The following DMD variants were observed in gnomAD, a reference collection of about 807,000 sequenced individuals.
DMD encodes the protein dystrophin.
DMD carries 63 observed loss-of-function variants against 330.1 expected under a neutral mutation model. The ratio of observed to expected loss-of-function variants is 0.19; its 90% CI spans 0.16 to 0.24. The LOEUF is 0.24. Among genes scored for constraint, DMD ranks in the 10% least tolerant of loss-of-function variants. The probability of loss-of-function intolerance (pLI) is 1.00; values close to 1 mark genes in which losing one functional copy is unlikely to be tolerated. For missense variants in DMD, 3,344 were observed against 2,684.1 expected, an observed-to-expected ratio of 1.25 and a Z score of -5.43; for synonymous variants, 1,223 against 959.8, an observed-to-expected ratio of 1.27 and a Z score of -5.07.
At chrX:31,395,405 C>T in intron 60 of DMD, among the ~76,000 whole-genome samples, 1 of 111,870 alleles carries the variant, frequency 8.9e-6, no homozygotes, top group Non-Finnish European at 1.9e-5. Context: ...CTTTGTTTTC[C>T]CTGACTTGAA....
intron 7 of DMD, among the ~76,000 whole-genome samples, chrX:32,797,376 A>G (rs1471044606): frequency 8.9e-6 from 1 of 112,703 alleles, no homozygotes; most frequent in Admixed American, 9.4e-5. Flanking sequence ...AGCAAAATAT[A>G]CATTACATTC....
At chrX:32,356,839 G>T (rs985274225) in intron 37 of DMD, among the ~76,000 whole-genome samples, 2 of 111,572 alleles carry the variant, frequency 1.8e-5, no homozygotes, top group African/African-American at 3.3e-5. Context: ...TTGCAGCTAA[G>T]TATTACAACA....
chrX:32,975,892 TC>T (rs2092536104), intron 2 of DMD, among the ~76,000 whole-genome samples: 1 of 111,518 alleles, frequency 9.0e-6, no homozygotes, highest in African/African-American at 3.3e-5. Context: ...AAAGTTAAAA[TC>T]CTCTGGTTCT....
At chrX:32,511,733 T>C (rs1211735596) in intron 18 of DMD, among the ~76,000 whole-genome samples, 2 of 110,432 alleles carry the variant, frequency 1.8e-5, no homozygotes, top group Admixed American at 1.9e-4. Context: ...TATGTGTGTT[T>C]TTCTATAGAG....
At chrX:32,823,088 A>T (rs1219997347) in intron 5 of DMD, among the ~76,000 whole-genome samples, 1 of 111,813 alleles carries the variant, frequency 8.9e-6, no homozygotes, top group Non-Finnish European at 1.9e-5. Flanking sequence ...AATTTTGAAA[A>T]ATATTCCTGT....
chrX:32,344,069 A>G (rs762749170), intron 39 of DMD, among the ~76,000 whole-genome samples: 1 of 112,090 alleles, frequency 8.9e-6, no homozygotes, highest in East Asian at 2.8e-4. Context: ...TAAATCAACA[A>G]TGGGAGGAAA....
chrX:32,958,471 T>C (rs1452574624), intron 2 of DMD, among the ~76,000 whole-genome samples: 1 of 111,064 alleles, frequency 9.0e-6, no homozygotes, highest in Non-Finnish European at 1.9e-5. Context: ...CACAAGTTCC[T>C]CCCATTATTT....
At chrX:33,245,278 T>A (rs2052647628) in intron 1 of DMD, among the ~76,000 whole-genome samples, 1 of 65,951 alleles carries the variant, frequency 1.5e-5, no homozygotes. Context: ...TTCAGGGCTC[T>A]GAAAAGTAAA....
At chrX:31,875,113 C>T (rs1372249492) in intron 48 of DMD, 75 bp downstream of exon 48, 3 of 909,687 alleles carry the variant, frequency 3.3e-6, no homozygotes, top group Non-Finnish European at 4.6e-6. Flanking sequence ...AATAATGATA[C>T]CAAATGAGAA....
At chrX:31,982,880 G>A (rs1215412955) in intron 44 of DMD, among the ~76,000 whole-genome samples, 2 of 106,593 alleles carry the variant, frequency 1.9e-5, no homozygotes, top group Non-Finnish European at 3.9e-5. Context: ...ATATATAGTG[G>A]GTAAAAGATA....
At chrX:32,289,902 C>T (rs909569313) in intron 42 of DMD, among the ~76,000 whole-genome samples, 1 of 111,935 alleles carries the variant, frequency 8.9e-6, no homozygotes, top group African/African-American at 3.2e-5. Context: ...CATGCCACTG[C>T]ACTGCCTACG....
chrX:32,914,851 T>C (rs778323817), intron 2 of DMD, among the ~76,000 whole-genome samples: 2 of 112,282 alleles, frequency 1.8e-5, no homozygotes, highest in East Asian at 5.6e-4. Context: ...ACAGTAAATA[T>C]TTTTAATGTT....
chrX:32,968,311 G>A (rs1300150584), intron 2 of DMD, among the ~76,000 whole-genome samples: 2 of 106,927 alleles, frequency 1.9e-5, no homozygotes, highest in Non-Finnish European at 3.9e-5. Flanking sequence ...CCTTCCAGTT[G>A]TTTTAAAACA....
intron 2 of DMD, among the ~76,000 whole-genome samples, chrX:32,865,776 A>G (rs1235753316): frequency 1.8e-5 from 2 of 112,745 alleles, no homozygotes; most frequent in Admixed American, 1.9e-4. Context: ...GGCACTGTTT[A>G]CCAATTATTT....
intron 44 of DMD, among the ~76,000 whole-genome samples, chrX:32,044,843 T>C (rs1329909973): frequency 8.9e-6 from 1 of 112,142 alleles, no homozygotes; most frequent in African/African-American, 3.2e-5. Flanking sequence ...TAAAGAAAAA[T>C]ATAAGTATTA....
intron 9 of DMD, among the ~76,000 whole-genome samples, chrX:32,692,333 G>T (rs914320490): frequency 1.8e-5 from 2 of 111,770 alleles, no homozygotes; most frequent in Admixed American, 9.5e-5. Flanking sequence ...TCTGTTTCTG[G>T]GTAATTTGTT....
chrX:32,350,711 C>G (rs748011899), intron 37 of DMD, among the ~76,000 whole-genome samples: 10 of 111,102 alleles, frequency 9.0e-5, no homozygotes, highest in Non-Finnish European at 1.5e-4. Context: ...TTTCATTATG[C>G]TATTTATTTG....
At chrX:32,655,410 A>T (rs772398052) in intron 9 of DMD, among the ~76,000 whole-genome samples, 1 of 112,475 alleles carries the variant, frequency 8.9e-6, no homozygotes, top group East Asian at 2.8e-4. Flanking sequence ...GTAGTCATTC[A>T]GCAGCAGGTT....
rs1489481237 is a variant in DMD, at chrX:32,535,869, C to G, written c.2168+9290G>C. Among the ~76,000 whole-genome samples the G allele has an allele frequency of 5.4e-5, 6 of 111,779 alleles. No homozygotes were observed. In the East Asian group the frequency reaches 1.7e-3, roughly 31 times the overall value. On this transcript the variant is annotated intron_variant, in intron 17 of 78. Transcript: ENST00000357033. ...TTATGCATTATAGGTGTACAGATGA[C>G]AAGAAATGATTTCTTCCCTCAAGGC...
Sources: allele counts gnomAD v4.1 joint callset (sites outside exome capture counted in the v4.1 genomes callset), GRCh38; gene constraint gnomAD v4.1.1; transcripts MANE v1.5; gene names NCBI Gene and HGNC (gene_info 2026-07-23, HGNC 2026-07-21).